SLC30A6: variants seen among roughly 807,000 people sequenced by gnomAD.
The protein encoded by SLC30A6 is solute carrier family 30 member 6.
A neutral mutation model predicts 63.0 loss-of-function variants in SLC30A6; 55 were observed. The ratio of observed to expected loss-of-function variants is 0.87; its 90% CI spans 0.70 to 1.09. SLC30A6 has a LOEUF of 1.09. Among genes scored for constraint, SLC30A6 ranks in the 50% least tolerant of loss-of-function variants. SLC30A6 has a pLI of 0.00. For missense variants in SLC30A6, 587 were observed against 549.2 expected, an observed-to-expected ratio of 1.07 and a Z score of -0.69; for synonymous variants, 224 against 186.1, an observed-to-expected ratio of 1.20 and a Z score of -1.66.
At chr2:32,191,977 A>G (rs1212624363) in intron 5 of SLC30A6, among the ~76,000 whole-genome samples, 5 of 151,848 alleles carry the variant, frequency 3.3e-5, no homozygotes, top group Non-Finnish European at 7.4e-5. Context: ...ATTAAGTGTT[A>G]TTATTATGAT....
At chr2:32,212,893 CATTTTTTTT>C (rs1218672174) in intron 13 of SLC30A6, among the ~76,000 whole-genome samples, 5 of 92,894 alleles carry the variant, frequency 5.4e-5, no homozygotes, top group Non-Finnish European at 6.2e-5. Context: ...CTGTGTCCAG[CATTTTTTTT>C]TTTTTTTTTT....
intron 2 of SLC30A6, among the ~76,000 whole-genome samples, chr2:32,172,852 A>T (rs1190636411): frequency 6.6e-6 from 1 of 151,970 alleles, no homozygotes; most frequent in Non-Finnish European, 1.5e-5. Flanking sequence ...CTTCATCCTC[A>T]CCCTAACCTG....
At chr2:32,184,875 A>T (rs968107390) in intron 5 of SLC30A6, among the ~76,000 whole-genome samples, 22 of 152,270 alleles carry the variant, frequency 1.4e-4, no homozygotes, top group African/African-American at 5.3e-4. Flanking sequence ...CAAATATTTT[A>T]AAAAGTTCAC....
chr2:32,206,634 TGTTG>T (rs1168461320), intron 11 of SLC30A6, among the ~76,000 whole-genome samples: 1 of 152,188 alleles, frequency 6.6e-6, no homozygotes, highest in South Asian at 2.1e-4. Flanking sequence ...AAAGATTTTT[TGTTG>T]GTTGGTTGGT....
chr2:32,186,683 C>G (rs1372138762), intron 5 of SLC30A6, among the ~76,000 whole-genome samples: 1 of 150,470 alleles, frequency 6.6e-6, no homozygotes, highest in Non-Finnish European at 1.5e-5. Context: ...CAGAGCGAGA[C>G]TCTGTCTCAA....
intron 1 of SLC30A6, among the ~76,000 whole-genome samples, chr2:32,167,600 C>T (rs554959878): frequency 7.2e-5 from 11 of 152,162 alleles, no homozygotes; most frequent in African/African-American, 2.4e-4. Flanking sequence ...CCCTCATGTT[C>T]CAGTATCCTC....
Position 32,197,408 on chromosome 2 carries a change from G to A in SLC30A6, c.545+16G>A. 1 of 1,608,080 alleles carries A rather than the reference G, an allele frequency of 6.2e-7. No homozygotes were observed. The highest frequency in any genetic ancestry group is 8.5e-7 in the Non-Finnish European group (1 of 1,174,836). ...TTAGTCGAAGGTAAGATGTTATGGA[G>A]TTTCATGATATGCATAATTTAAAGG... is the stretch of plus-strand genomic sequence containing the variant. On this transcript the variant is annotated intron_variant, in intron 9 of 13. Coordinates refer to ENST00000282587, the MANE Select transcript of SLC30A6 (RefSeq NM_017964.5).
Position 32,220,712 on chromosome 2 carries a change from G to T in SLC30A6, c.1385G>T (p.Ter462LeuextTer1), listed in dbSNP as rs1686093740. The part of the protein sequence containing the change: ...TNNRIGQPRP[*>L] ...AATAGAATTGGACAACCAAGACCATGATAGACTCTAACTTATTTTTATAAG... is the reference window on the plus strand; with the variant it reads ...AATAGAATTGGACAACCAAGACCATTATAGACTCTAACTTATTTTTATAAG... The change falls in exon 14 of 14, where the codon TGA (stop) becomes TTA (leucine). Residue 462 changes from the stop codon to leucine, a stop_lost. Coordinates refer to ENST00000282587, the MANE Select transcript of SLC30A6 (RefSeq NM_017964.5). 1 of 1,607,038 alleles carries T rather than the reference G, an allele frequency of 6.2e-7. No individual in the cohort carries two copies. Among genetic ancestry groups the T allele is most frequent in the East Asian group, 2.2e-5 (1 of 44,746 alleles).
intron 1 of SLC30A6, among the ~76,000 whole-genome samples, chr2:32,168,741 G>C (rs916721909): frequency 2.0e-5 from 3 of 152,178 alleles, no homozygotes; most frequent in Non-Finnish European, 4.4e-5. Flanking sequence ...GTGGTCATGA[G>C]ACAAAAGAGT....
In SLC30A6 at chr2:32,197,587, C is replaced by G. The variant is rs1404727992; in HGVS notation, c.546-120C>G. 4 of 1,440,024 alleles carry G rather than the reference C, an allele frequency of 2.8e-6. No homozygotes were observed. The South Asian group carries it at 5.2e-5, about 19-fold the overall frequency. The allele number at this position is 1,440,024 out of a possible 1,614,324, so 89.2% of individuals were successfully genotyped here. On this transcript the variant is annotated intron_variant, in intron 9 of 13. Coordinates refer to ENST00000282587, the MANE Select transcript of SLC30A6 (RefSeq NM_017964.5). ...TGAAAGGGCTTTGTTCACAAATCCTCTTTGCTTTCTTTAAGAAGTACACTA... is the reference window on the plus strand; with the variant it reads ...TGAAAGGGCTTTGTTCACAAATCCTGTTTGCTTTCTTTAAGAAGTACACTA...
intron 13 of SLC30A6, among the ~76,000 whole-genome samples, chr2:32,212,996 T>C (rs1685386520): frequency 6.7e-6 from 1 of 148,816 alleles, no homozygotes; most frequent in South Asian, 2.1e-4. Context: ...GTCTCAAATG[T>C]CTGGGCTCAG....
At chr2:32,209,736 TA>T (rs1372850055) in intron 13 of SLC30A6, among the ~76,000 whole-genome samples, 175 bp downstream of exon 13, 1 of 149,118 alleles carries the variant, frequency 6.7e-6, no homozygotes, top group African/African-American at 2.4e-5. Flanking sequence ...TTTTGGTGTT[TA>T]GAGACAGGGT....
At chr2:32,179,491 T>A (rs1454766809) in intron 4 of SLC30A6, among the ~76,000 whole-genome samples, 1 of 152,202 alleles carries the variant, frequency 6.6e-6, no homozygotes, top group Non-Finnish European at 1.5e-5. Context: ...TACATATTGC[T>A]TCATTTCCAG....
intron 10 of SLC30A6, chr2:32,202,417 C>T: frequency 3.9e-6 from 1 of 259,250 alleles, no homozygotes; most frequent in South Asian, 4.6e-5. Flanking sequence ...GCAAGCTCCG[C>T]CGCCCGGGTT....
chr2:32,175,177 T>C (rs1352622639), intron 3 of SLC30A6, 142 bp from the exon 4 acceptor site: 1 of 673,848 alleles, frequency 1.5e-6, no homozygotes, highest in East Asian at 2.8e-5. Context: ...ATTTACTAGA[T>C]AACTGCCAAT....
At position 32,220,223 on chromosome 2, in the gene SLC30A6, T is replaced by C; in HGVS notation, c.896T>C (p.Val299Ala). The change falls in exon 14 of 14, where the codon GTG becomes GCG. Residue 299 changes from valine (V) to alanine (A), a missense_variant. Transcript: ENST00000282587. ...TTTTGCCCCTTTTAGGCTGGATCAGTGCATGTAAGAATTCGACGAGATGCC... is the reference window on the plus strand; with the variant it reads ...TTTTGCCCCTTTTAGGCTGGATCAGCGCATGTAAGAATTCGACGAGATGCC... ...TLGFGSLAGS[V>A]HVRIRRDANE... The C allele has an allele frequency of 6.2e-7, 1 of 1,613,704 alleles. No homozygotes were observed. The highest frequency in any genetic ancestry group is 8.5e-7 in the Non-Finnish European group (1 of 1,179,626).
rs535493866 is a variant in SLC30A6 at position 32,183,142 on chromosome 2, G to A, written c.219-1131G>A. 2.8e-3 allele frequency among the ~76,000 whole-genome samples: 421 copies of A among 151,958 alleles called. 2 individuals are homozygous for A. The highest frequency in any genetic ancestry group is 4.5e-3 in the Non-Finnish European group (309 of 67,936). On this transcript the variant is annotated intron_variant, in intron 4 of 13. Coordinates refer to ENST00000282587, the MANE Select transcript of SLC30A6 (RefSeq NM_017964.5). ...GCGGAGGTTGCAGTGAGCCGAGATC[G>A]CGCCATTGCACTCCAGCCTGGGCGA...
At position 32,177,480 on chromosome 2, in the gene SLC30A6, C is replaced by T. The variant is rs527645975; in HGVS notation, c.218+2119C>T. Reference sequence around the variant, plus strand: ...TAATTTTTTGTATTTTTATTAGAGACGGGGTTTCACCATTTTGGCTGGGCT... The same window carrying T: ...TAATTTTTTGTATTTTTATTAGAGATGGGGTTTCACCATTTTGGCTGGGCT... On this transcript the variant is annotated intron_variant, in intron 4 of 13. Coordinates refer to ENST00000282587, the MANE Select transcript of SLC30A6 (RefSeq NM_017964.5). 13 of 246,044 alleles carry T rather than the reference C, an allele frequency of 5.3e-5. No homozygotes were observed. The East Asian group carries it at 1.1e-3, about 20-fold the overall frequency. The allele number at this position is 246,044 out of a possible 1,614,324, so 15.2% of individuals were successfully genotyped here. A position where few individuals can be genotyped will look rare whatever the true frequency, so the allele number is the denominator to read the frequency against.
chr2:32,171,321 C>A lies in SLC30A6; in HGVS notation c.38C>A (p.Ser13Tyr). The part of the protein sequence containing the change: ...TIHLFRKPQR[S>Y]FFGKLLREFR... ...CATCTCTTTCGAAAACCACAAAGATCCTTTTTTGGCAAGTTGTTACGGGAA... is the reference window on the plus strand; with the variant it reads ...CATCTCTTTCGAAAACCACAAAGATACTTTTTTGGCAAGTTGTTACGGGAA... The change falls in exon 2 of 14, where the codon TCC (serine) becomes TAC (tyrosine). Residue 13 changes from serine (S) to tyrosine (Y), a missense_variant. Ser to Tyr is a moderately radical substitution (Grantham distance 144). Coordinates refer to ENST00000282587, the MANE Select transcript of SLC30A6 (RefSeq NM_017964.5). 6.2e-7 allele frequency: 1 copy of A among 1,613,776 alleles called. No homozygotes were observed. Among genetic ancestry groups the A allele is most frequent in the Middle Eastern group, 1.7e-4 (1 of 6,058 alleles).
Sources: allele counts gnomAD v4.1 joint callset (sites outside exome capture counted in the v4.1 genomes callset), GRCh38; gene constraint gnomAD v4.1.1; transcripts MANE v1.5; gene names NCBI Gene and HGNC (gene_info 2026-07-23, HGNC 2026-07-21).